TSPAN9: variants seen among roughly 807,000 people sequenced by gnomAD.
TSPAN9 encodes tetraspanin 9, also known as tetraspanin-9.
In TSPAN9, 16 loss-of-function variants were observed where a neutral mutation model predicts 31.0. The ratio of observed to expected loss-of-function variants is 0.52; its 90% CI spans 0.35 to 0.78. The LOEUF is 0.78. Ranked by LOEUF, TSPAN9 falls within the 30% of genes least tolerant of loss-of-function variation. The pLI is 0.01. For synonymous variants in TSPAN9, 145 were observed against 121.6 expected, an observed-to-expected ratio of 1.19 and a Z score of -1.27; for missense variants, 272 against 312.5, an observed-to-expected ratio of 0.87 and a Z score of 0.98.
intron 2 of TSPAN9, among the ~76,000 whole-genome samples, chr12:3,195,831 T>C (rs890434133): frequency 6.6e-6 from 1 of 152,316 alleles, no homozygotes; most frequent in South Asian, 2.1e-4. Context: ...CAGTCAGGCC[T>C]GTCCCCTCCC....
intron 3 of TSPAN9, among the ~76,000 whole-genome samples, chr12:3,222,203 G>C (rs766767479): frequency 6.9e-4 from 105 of 152,142 alleles, no homozygotes; most frequent in East Asian, 1.5e-3. Context: ...CATGCAGAAG[G>C]GGGGGACGTG....
At chr12:3,109,307 A>AGAGAGAGAGTGT (rs560687812) in intron 2 of TSPAN9, among the ~76,000 whole-genome samples, 236 of 143,306 alleles carry the variant, frequency 1.6e-3, no homozygotes, top group African/African-American at 5.9e-3. Context: ...TGTGAGAGAG[A>AGAGAGAGAGTGT]GTGTGTGTGT....
In TSPAN9 at chr12:3,280,555, C is replaced by T; in HGVS notation, c.432+72C>T. On this transcript the variant is annotated intron_variant, in intron 6 of 8. Transcript: ENST00000011898. The surrounding 1 kb of genome is among the most constrained non-coding windows in gnomAD (Gnocchi z 4.5). ...GCGGCCGGTACTTCTAGCTGCCTTCCCCGGTGACCTGGCCGGGCACCTGTG... is the reference window on the plus strand; with the variant it reads ...GCGGCCGGTACTTCTAGCTGCCTTCTCCGGTGACCTGGCCGGGCACCTGTG... 2.1e-6 allele frequency: 3 copies of T among 1,413,722 alleles called. No individual in the cohort carries two copies. Among genetic ancestry groups the T allele is most frequent in the South Asian group, 1.2e-5 (1 of 83,298 alleles). 87.6% of individuals were successfully genotyped at this position (1,413,722 alleles called of 1,614,324 possible).
At chr12:3,077,523 C>G (rs1257294126) in intron 1 of TSPAN9, 70 bp downstream of exon 1, 1 of 152,040 alleles carries the variant, frequency 6.6e-6, no homozygotes, top group Non-Finnish European at 1.5e-5. Context: ...GGCCTTGAGC[C>G]GGCGCCGGGC....
intron 2 of TSPAN9, among the ~76,000 whole-genome samples, chr12:3,158,345 C>G (rs564036385): frequency 2.0e-5 from 3 of 152,330 alleles, no homozygotes; most frequent in African/African-American, 7.2e-5. Flanking sequence ...CTTTTCCTAT[C>G]TCAGATCTGT....
intron 2 of TSPAN9, among the ~76,000 whole-genome samples, chr12:3,128,651 T>C (rs1045556974): frequency 6.6e-6 from 1 of 152,308 alleles, no homozygotes; most frequent in Non-Finnish European, 1.5e-5. Context: ...CAGGCACCCC[T>C]GCACTCTGCA....
chr12:3,081,588 C>T (rs1343993761), intron 1 of TSPAN9, among the ~76,000 whole-genome samples: 1 of 152,034 alleles, frequency 6.6e-6, no homozygotes, highest in Non-Finnish European at 1.5e-5. Flanking sequence ...CATTTTCTGT[C>T]TTCATTTTGC....
intron 2 of TSPAN9, chr12:3,125,030 T>C (rs905079300): frequency 6.6e-5 from 10 of 152,126 alleles, no homozygotes; most frequent in African/African-American, 1.9e-4. Flanking sequence ...GCCATTGTGC[T>C]TTAGCCTGGG....
intron 2 of TSPAN9, among the ~76,000 whole-genome samples, chr12:3,171,167 C>T (rs1419240073): frequency 6.6e-6 from 1 of 152,138 alleles, no homozygotes; most frequent in Non-Finnish European, 1.5e-5. Flanking sequence ...GCAGCTGCCC[C>T]TGCCCAGTCC....
intron 2 of TSPAN9, among the ~76,000 whole-genome samples, chr12:3,159,084 A>T (rs956127222): frequency 4.0e-5 from 6 of 151,620 alleles, no homozygotes; most frequent in African/African-American, 1.5e-4. Context: ...TTACACTTTT[A>T]TTGTACATGA....
chr12:3,245,443 T>C (rs878946983), intron 3 of TSPAN9, among the ~76,000 whole-genome samples: 2 of 152,150 alleles, frequency 1.3e-5, no homozygotes, highest in Admixed American at 1.3e-4. Flanking sequence ...TTTTGTGTGC[T>C]GCAAAGGAGG....
intron 2 of TSPAN9, among the ~76,000 whole-genome samples, chr12:3,176,200 C>T (rs2098355477): frequency 6.6e-6 from 1 of 152,230 alleles, no homozygotes; most frequent in African/African-American, 2.4e-5. Context: ...TGCCCCTTCT[C>T]CTCTTGTCTC....
At chr12:3,078,394 T>G (rs1227430191) in intron 1 of TSPAN9, among the ~76,000 whole-genome samples, 1 of 152,160 alleles carries the variant, frequency 6.6e-6, no homozygotes. Context: ...TGGAGAAAAC[T>G]GAAGACTCAT....
intron 1 of TSPAN9, among the ~76,000 whole-genome samples, chr12:3,082,265 A>G (rs1241094121): frequency 8.5e-5 from 13 of 152,164 alleles, no homozygotes; most frequent in Admixed American, 8.5e-4. Flanking sequence ...CAGAAGGAGG[A>G]AGGATCAGCC....
At chr12:3,111,586 C>A (rs939800347) in intron 2 of TSPAN9, among the ~76,000 whole-genome samples, 80 of 150,104 alleles carry the variant, frequency 5.3e-4, no homozygotes, top group Non-Finnish European at 1.1e-3. Context: ...TAAGAATGAT[C>A]AGTGTTTACG....
intron 2 of TSPAN9, among the ~76,000 whole-genome samples, chr12:3,148,831 C>A (rs1012086975): frequency 2.0e-5 from 3 of 152,220 alleles, no homozygotes; most frequent in African/African-American, 7.2e-5. Context: ...AGCCTCCCCA[C>A]GGCTGCAGCT....
At chr12:3,086,051 A>G (rs2098300289) in intron 2 of TSPAN9, among the ~76,000 whole-genome samples, 1 of 152,214 alleles carries the variant, frequency 6.6e-6, no homozygotes, top group Non-Finnish European at 1.5e-5. Context: ...TGAGGCAGTG[A>G]GGAGTAAGCC....
intron 3 of TSPAN9, among the ~76,000 whole-genome samples, chr12:3,260,348 C>T (rs1424371233): frequency 1.3e-5 from 2 of 152,196 alleles, no homozygotes; most frequent in African/African-American, 4.8e-5. Flanking sequence ...GGTTTGTTCC[C>T]AGTGGATGTA....
At chr12:3,122,022 C>G (rs588106) in intron 2 of TSPAN9, among the ~76,000 whole-genome samples, 96,341 of 151,566 alleles carry the variant, frequency 0.64, 30,806 homozygotes, top group East Asian at 0.74. Context: ...CCCTCCCCTC[C>G]CCTCGTTTTT....
Sources: gnomAD v4.1 joint callset for allele counts (sites outside exome capture counted in the v4.1 genomes callset) on GRCh38, gnomAD v4.1.1 for gene constraint, Gnocchi (gnomAD v3.1) non-coding constraint, MANE v1.5 for transcripts, NCBI Gene and HGNC (gene_info 2026-07-23, HGNC 2026-07-21) for gene names.